WDR43: variants seen among roughly 807,000 people sequenced by gnomAD.
WDR43 encodes WD repeat-containing protein 43.
WDR43 carries 13 observed loss-of-function variants against 91.4 expected under a neutral mutation model. The ratio of observed to expected loss-of-function variants is 0.14; its 90% CI spans 0.09 to 0.23. WDR43 has a LOEUF of 0.23. WDR43 is among the 10% of genes least tolerant of loss of function. The pLI is 1.00. For synonymous variants in WDR43, 331 were observed against 287.9 expected (o/e 1.15, Z -1.51); for missense variants, 780 against 809.4 (o/e 0.96, Z 0.44).
intron 14 of WDR43, among the ~76,000 whole-genome samples, chr2:28,940,310 A>T (rs899041840): frequency 6.6e-6 from 1 of 150,578 alleles, no homozygotes; most frequent in African/African-American, 2.5e-5. Flanking sequence ...GCTCACCGCA[A>T]CCTCCGCCTT....
At chr2:28,908,784 T>C (rs1390222104) in intron 3 of WDR43, among the ~76,000 whole-genome samples, 1 of 152,248 alleles carries the variant, frequency 6.6e-6, no homozygotes, top group Non-Finnish European at 1.5e-5. Flanking sequence ...TTTTCTGTTG[T>C]GGAAGATGAG....
At chr2:28,912,548 C>T in intron 3 of WDR43, 42 bp from the exon 4 acceptor site, 1 of 1,586,014 alleles carries the variant, frequency 6.3e-7, no homozygotes, top group Non-Finnish European at 8.6e-7. Context: ...GTAAAGTTTT[C>T]TCTCATGTAT....
rs1017908179 is a variant in WDR43, at chr2:28,947,906, T to C, written c.*1127T>C. The stretch of plus-strand genomic sequence containing the variant: ...TTTTTTTTTAAAGAATGAGCCGATA[T>C]TGGCTTAGTGCTCACTAGGGGACAT... On this transcript the variant is annotated 3_prime_UTR_variant, in exon 18 of 18. Coordinates refer to ENST00000407426, the MANE Select transcript of WDR43 (RefSeq NM_015131.3). The C allele has an allele frequency of 2.0e-5, 3 of 148,450 alleles. No homozygotes were observed. The highest frequency in any genetic ancestry group is 4.0e-4 in the East Asian group (2 of 5,038). The allele number at this position is 148,450 out of a possible 1,614,324, so 9.2% of individuals were successfully genotyped here. A position where few individuals can be genotyped will look rare whatever the true frequency, so the allele number is the denominator to read the frequency against.
At chr2:28,920,116 A>T (rs1001890017) in intron 6 of WDR43, among the ~76,000 whole-genome samples, 3 of 151,494 alleles carry the variant, frequency 2.0e-5, no homozygotes, top group Admixed American at 6.6e-5. Context: ...AAAGTGCTGT[A>T]ATTACAGGTG....
In WDR43 at chr2:28,906,564, G is replaced by C. The variant is rs189779199; in HGVS notation, c.468G>C (p.Gln156His). 8.1e-6 allele frequency: 13 copies of C among 1,611,700 alleles called. No homozygotes were observed. The Admixed American group carries it at 1.7e-4, about 21-fold the overall frequency. Residue 156 changes from glutamine to histidine, a missense_variant, in exon 3 of 18, where the codon CAG becomes CAC. Physicochemically the swap from Gln to His is conservative, Grantham distance 24. This residue lies in a region of WDR43 where 174 missense variants were observed against 207.3 expected (regional missense o/e 0.84). Transcript: ENST00000407426. ...AACATATTGTGGAATGGAACGTACA[G>C]ACATGCAAAGTAAAGTGGTGAGTAA... Reference protein sequence around the residue: ...DDKHIVEWNVQTCKVKCKWKG... With the variant: ...DDKHIVEWNVHTCKVKCKWKG...
chr2:28,944,173 A>G (rs1377964508), intron 16 of WDR43, among the ~76,000 whole-genome samples: 1 of 152,210 alleles, frequency 6.6e-6, no homozygotes, highest in Non-Finnish European at 1.5e-5. Flanking sequence ...AGCAGATATG[A>G]GAAGTTTTTA....
In WDR43 at chr2:28,942,450, A is replaced by G. The variant is rs1671456575; in HGVS notation, c.1804+69A>G. Reference sequence around the variant, plus strand: ...CAGTTTTCAGTGACTGAGTTCTGTTATCTTTTTGAAAACGTCAACATAAGA... The same window carrying G: ...CAGTTTTCAGTGACTGAGTTCTGTTGTCTTTTTGAAAACGTCAACATAAGA... On this transcript the variant is annotated intron_variant, in intron 16 of 17. Coordinates refer to ENST00000407426, the MANE Select transcript of WDR43 (RefSeq NM_015131.3). The G allele has an allele frequency of 5.9e-6, 9 of 1,512,672 alleles. No individual in the cohort carries two copies. In the East Asian group the frequency reaches 2.1e-4, roughly 35 times the overall value. 93.7% of individuals were successfully genotyped at this position (1,512,672 alleles called of 1,614,324 possible). A position where few individuals can be genotyped will look rare whatever the true frequency, so the allele number is the denominator to read the frequency against.
chr2:28,946,412 G>T (rs750920719), intron 16 of WDR43, 38 bp from the exon 17 acceptor site: 5 of 1,586,490 alleles, frequency 3.2e-6, no homozygotes, highest in Non-Finnish European at 4.3e-6. Flanking sequence ...CCTCTGTTTT[G>T]TTCTAAAATT....
chr2:28,894,849 G>C lies in WDR43; in HGVS notation c.151G>C (p.Glu51Gln). 6.2e-7 allele frequency: 1 copy of C among 1,611,050 alleles called. No homozygotes were observed. The highest frequency in any genetic ancestry group is 8.5e-7 in the Non-Finnish European group (1 of 1,178,796). Residue 51 changes from glutamate to glutamine, a missense_variant, in exon 1 of 18, where the codon GAG becomes CAG. Coordinates refer to ENST00000407426, the MANE Select transcript of WDR43 (RefSeq NM_015131.3). ...GACGGCCAACAACCGGCTGCACCAG[G>C]AGTACGTGCCTTCCGCGCACCTCAG... The part of the protein sequence containing the change: ...WETANNRLHQ[E>Q]YVPSAHLSGT...
At chr2:28,927,420 A>T in intron 9 of WDR43, 149 bp from the exon 10 acceptor site, 1 of 995,258 alleles carries the variant, frequency 1.0e-6, no homozygotes, top group South Asian at 1.8e-5. Context: ...GTCAACATTC[A>T]ATTTAAAATA....
At chr2:28,902,850 C>T (rs1050297381) in intron 2 of WDR43, among the ~76,000 whole-genome samples, 1 of 152,158 alleles carries the variant, frequency 6.6e-6, no homozygotes, top group Admixed American at 6.5e-5. Context: ...AAGACAGTAA[C>T]CGAACTGGTC....
intron 14 of WDR43, among the ~76,000 whole-genome samples, chr2:28,939,440 C>T (rs1044857838): frequency 1.3e-5 from 2 of 152,170 alleles, no homozygotes; most frequent in African/African-American, 4.8e-5. Context: ...CATTCAAGGT[C>T]GTGGCAGAAC....
intron 5 of WDR43, among the ~76,000 whole-genome samples, chr2:28,917,309 G>A (rs1670930121): frequency 6.6e-6 from 1 of 152,118 alleles, no homozygotes; most frequent in African/African-American, 2.4e-5. Context: ...TGCAAATAAG[G>A]AATCCATGAA....
At chr2:28,901,153 T>C (rs532216242) in intron 1 of WDR43, among the ~76,000 whole-genome samples, 2 of 152,218 alleles carry the variant, frequency 1.3e-5, no homozygotes, top group Non-Finnish European at 2.9e-5. Flanking sequence ...TTCTCAGAAC[T>C]TTATGCTAAA....
intron 15 of WDR43, 76 bp from the exon 16 acceptor site, chr2:28,942,236 G>A: frequency 3.5e-6 from 5 of 1,441,392 alleles, no homozygotes; most frequent in East Asian, 2.4e-5. Context: ...AGTGGGGAAG[G>A]TTGGGTATGC....
chr2:28,916,180 G>A (rs1221939049), intron 5 of WDR43, among the ~76,000 whole-genome samples: 1 of 152,106 alleles, frequency 6.6e-6, no homozygotes, highest in African/African-American at 2.4e-5. Flanking sequence ...TTGTTGACAG[G>A]TTTTGGGCCA....
intron 5 of WDR43, 48 bp from the exon 6 acceptor site, chr2:28,917,845 G>A (rs4389288): frequency 0.26 from 389,584 of 1,522,312 alleles, 58,026 homozygotes; most frequent in East Asian, 0.76. Flanking sequence ...TTTTTAGGAA[G>A]AAAATTAAAT....
Position 28,925,019 on chromosome 2 carries a change from C to G in WDR43, c.952C>G (p.Gln318Glu), listed in dbSNP as rs1218504325. The G allele has an allele frequency of 1.2e-6, 2 of 1,613,724 alleles. No homozygotes were observed. The highest frequency in any genetic ancestry group is 2.2e-5 in the East Asian group (1 of 44,874). The change falls in exon 8 of 18, where the codon CAG becomes GAG. Residue 318 changes from glutamine (Q) to glutamate (E), a missense_variant. Transcript: ENST00000407426. Reference sequence around the variant, plus strand: ...GCCTTTGACTTCAAACTGCACAATTCAGATAGCAACACCTGGGAAAGGCAA... The same window carrying G: ...GCCTTTGACTTCAAACTGCACAATTGAGATAGCAACACCTGGGAAAGGCAA... ...KKPLTSNCTI[Q>E]IATPGKGKKS...
intron 5 of WDR43, among the ~76,000 whole-genome samples, chr2:28,917,507 A>G (rs1005345304): frequency 6.6e-4 from 100 of 152,332 alleles, no homozygotes; most frequent in African/African-American, 2.3e-3. Flanking sequence ...ACAAATGACA[A>G]TAGGCAAAAT....
Sources: allele counts gnomAD v4.1 joint callset (sites outside exome capture counted in the v4.1 genomes callset), GRCh38; gene constraint gnomAD v4.1.1; regional missense constraint gnomAD v4.1.1; transcripts MANE v1.5; gene names NCBI Gene and HGNC (gene_info 2026-07-23, HGNC 2026-07-21).